Variants in OPRM1 observed in about 807,000 individuals in gnomAD.
OPRM1 encodes opioid receptor mu 1, also known as mu-type opioid receptor.
Under a neutral mutation model 31.8 loss-of-function variants are expected in OPRM1, and 27 were observed. The observed-to-expected ratio is 0.85, with a 90% confidence interval of 0.63 to 1.17. OPRM1 has a LOEUF of 1.17. OPRM1 is among the 50% of genes most tolerant of loss of function. The probability of loss-of-function intolerance (pLI) is 0.00; values close to 1 mark genes in which losing one functional copy is unlikely to be tolerated. For missense variants in OPRM1, 536 were observed against 511.1 expected (o/e 1.05, Z -0.47); for synonymous variants, 196 against 189.9 (o/e 1.03, Z -0.26).
At chr6:154,039,183 C>A (rs1339715573), upstream of OPRM1, 9 of 1,551,548 alleles carry the variant, frequency 5.8e-6, no homozygotes, top group Middle Eastern at 1.7e-4. Context: ...AGAAGAGTGC[C>A]CAGTGAAGAG....
In OPRM1 at chr6:154,129,677, TTTC is replaced by T. The variant is rs563420678; in HGVS notation, c.*10959_*10961del. Among the ~76,000 whole-genome samples, 271 of 152,270 alleles carry T rather than the reference TTTC, an allele frequency of 1.8e-3. 1 individual carries two copies. The highest frequency in any genetic ancestry group is 6.3e-3 in the African/African-American group (262 of 41,534). On this transcript the variant is annotated 3_prime_UTR_variant, in exon 4 of 4. Coordinates refer to ENST00000330432, the MANE Select transcript of OPRM1 (RefSeq NM_000914.5). ...GTTCTATATCTATTCTTGAAACATATTTCTTTAGTTCAAGGTCTGATGAGCTCC... is the reference window on the plus strand; with the variant it reads ...GTTCTATATCTATTCTTGAAACATATTTTAGTTCAAGGTCTGATGAGCTCC...
chr6:154,124,042 CA>C lies in OPRM1; in HGVS notation c.*5324del, dbSNP rs1210932207. On this transcript the variant is annotated 3_prime_UTR_variant, in exon 4 of 4. Coordinates refer to ENST00000330432, the MANE Select transcript of OPRM1 (RefSeq NM_000914.5). ...TATTCAAGATGGAGTCGCTCTGGTTCAAACACCTCTGACACTTGAATTACAA... is the reference window on the plus strand; with the variant it reads ...TATTCAAGATGGAGTCGCTCTGGTTCAACACCTCTGACACTTGAATTACAA... Among the ~76,000 whole-genome samples, 1 of 152,154 alleles carries C rather than the reference CA, an allele frequency of 6.6e-6. No individual in the cohort carries two copies. The highest frequency in any genetic ancestry group is 2.4e-5 in the African/African-American group (1 of 41,440).
Position 154,091,072 on chromosome 6 carries a change from G to A in OPRM1, c.764G>A (p.Gly255Glu), listed in dbSNP as rs201561271. ...MPVLIITVCYGLMILRLKSVR... is the reference protein window; with the variant it reads ...MPVLIITVCYELMILRLKSVR... The stretch of plus-strand genomic sequence containing the variant: ...GTGCTCATCATTACCGTGTGCTATG[G>A]ACTGATGATCTTGCGCCTCAAGAGT... Residue 255 changes from glycine (G) to glutamate (E), a missense_variant, in exon 3 of 4, where the codon GGA becomes GAA. Gly to Glu is a moderately conservative substitution (Grantham distance 98). Transcript: ENST00000330432. 44 of 1,614,150 alleles carry A rather than the reference G, an allele frequency of 2.7e-5. No homozygotes were observed. Among genetic ancestry groups the A allele is most frequent in the Non-Finnish European group, 3.6e-5 (43 of 1,180,022 alleles).
At chr6:154,094,030 C>T (rs1235018210) in intron 3 of OPRM1, among the ~76,000 whole-genome samples, 2 of 152,172 alleles carry the variant, frequency 1.3e-5, no homozygotes, top group Non-Finnish European at 2.9e-5. Context: ...CACATCATGA[C>T]CCATCATGTT....
Position 154,151,331 on chromosome 6 carries a change from G to A in OPRM1, c.1164+59859G>A, listed in dbSNP as rs148645116. 4.5e-4 allele frequency among the ~76,000 whole-genome samples: 69 copies of A among 152,352 alleles called. No individual in the cohort carries two copies. The East Asian group carries it at 0.013, about 29-fold the overall frequency. On this transcript the variant is annotated intron_variant, in intron 3 of 3. Coordinates refer to the OPRM1 transcript ENST00000337049. ...GAACCTAAGCAAGGCTGTGACCTTA[G>A]TTGTGGACCAGATTCAGCCTGGTCC...
chr6:154,149,376 TC>T (rs1270375481), intron 3 of OPRM1, among the ~76,000 whole-genome samples: 3 of 151,828 alleles, frequency 2.0e-5, no homozygotes, highest in Non-Finnish European at 4.4e-5. Flanking sequence ...TTCAATTACC[TC>T]CCCTCCATCC....
chr6:154,039,917 G>A, intron 1 of OPRM1, 83 bp downstream of exon 1: 1 of 1,296,242 alleles, frequency 7.7e-7, no homozygotes, highest in Non-Finnish European at 1.0e-6. Context: ...AAGGCTCAAT[G>A]TTGGGCGGGA....
intron 1 of OPRM1, among the ~76,000 whole-genome samples, chr6:154,044,642 A>C (rs905225428): frequency 1.1e-4 from 17 of 151,044 alleles, no homozygotes; most frequent in Admixed American, 1.1e-3. Flanking sequence ...CTACTGCTGC[A>C]AAAAAAATAA....
chr6:154,097,608 T>TGC (rs747641710), intron 3 of OPRM1, among the ~76,000 whole-genome samples: 61 of 151,886 alleles, frequency 4.0e-4, no homozygotes, highest in African/African-American at 1.4e-3. Context: ...TGTGTGTGTG[T>TGC]GCGTGTGATA....
At chr6:154,136,597 C>A (rs1487464443), downstream of OPRM1, among the ~76,000 whole-genome samples, 1 of 152,204 alleles carries the variant, frequency 6.6e-6, no homozygotes, top group Non-Finnish European at 1.5e-5. Context: ...CTCAGCCCCT[C>A]CGCTTGGTTC....
At chr6:154,087,805 G>A (rs1790980124) in intron 1 of OPRM1, 1 of 153,382 alleles carries the variant, frequency 6.5e-6, no homozygotes, top group Non-Finnish European at 1.4e-5. Flanking sequence ...CTAAATTAAG[G>A]TAAATATATG....
rs528823352 is a variant in OPRM1, at chr6:154,127,753, G to A, written c.*9032G>A. Among the ~76,000 whole-genome samples, 5 of 152,342 alleles carry A rather than the reference G, an allele frequency of 3.3e-5. No individual in the cohort carries two copies. Among genetic ancestry groups the A allele is most frequent in the African/African-American group, 7.2e-5 (3 of 41,578 alleles). On this transcript the variant is annotated 3_prime_UTR_variant, in exon 4 of 4. Coordinates refer to ENST00000330432, the MANE Select transcript of OPRM1 (RefSeq NM_000914.5). ...TTGATTCTTGTTCTCCTGCATCTCT[G>A]CAGGTGGCAAACCTGATTCCTAATG...
chr6:154,210,036 A>G (rs1777840497), intron 3 of OPRM1, among the ~76,000 whole-genome samples: 1 of 152,230 alleles, frequency 6.6e-6, no homozygotes, highest in African/African-American at 2.4e-5. Context: ...ATTTTAAATC[A>G]AGTATTCCCT....
rs888772396 is a variant in OPRM1 at position 154,130,716 on chromosome 6, A to C, written c.*11995A>C. 2.0e-5 allele frequency among the ~76,000 whole-genome samples: 3 copies of C among 151,946 alleles called. No homozygotes were observed. The highest frequency in any genetic ancestry group is 4.4e-5 in the Non-Finnish European group (3 of 67,968). ...AAAGTATATATGCCATTCCATAAAAATATATCTACCAATATAAATAGAATA... is the reference window on the plus strand; with the variant it reads ...AAAGTATATATGCCATTCCATAAAACTATATCTACCAATATAAATAGAATA... On this transcript the variant is annotated 3_prime_UTR_variant, in exon 4 of 4. Transcript: ENST00000330432.
chr6:154,097,576 A>T (rs1351604077), intron 3 of OPRM1, among the ~76,000 whole-genome samples: 1 of 134,920 alleles, frequency 7.4e-6, no homozygotes, highest in African/African-American at 2.9e-5. Context: ...GTTTAAAAAG[A>T]AAATGGTTCC....
At chr6:154,154,581 C>A (rs1798636697) in intron 3 of OPRM1, 1 of 152,164 alleles carries the variant, frequency 6.6e-6, no homozygotes, top group Admixed American at 6.5e-5. Context: ...GCACTGTAAC[C>A]TTGTTGTAGA....
intron 1 of OPRM1, among the ~76,000 whole-genome samples, chr6:154,052,992 A>G (rs1009562594): frequency 1.3e-5 from 2 of 152,200 alleles, no homozygotes; most frequent in Non-Finnish European, 2.9e-5. Flanking sequence ...AAGTTGTGCT[A>G]TAATAATCAC....
At chr6:154,107,820 G>C (rs774969699) in intron 3 of OPRM1, 10 of 717,714 alleles carry the variant, frequency 1.4e-5, no homozygotes, top group South Asian at 1.3e-4. Flanking sequence ...GGTGTTCCAA[G>C]CCCGTGTTTT....
intron 3 of OPRM1, among the ~76,000 whole-genome samples, chr6:154,185,916 G>A (rs868453525): frequency 6.6e-6 from 1 of 152,214 alleles, no homozygotes; most frequent in Non-Finnish European, 1.5e-5. Context: ...TAAAGCATTT[G>A]GCTGATACCT....
Sources: gnomAD v4.1 joint callset for allele counts (sites outside exome capture counted in the v4.1 genomes callset) on GRCh38, gnomAD v4.1.1 for gene constraint, MANE v1.5 for transcripts, NCBI Gene and HGNC (gene_info 2026-07-23, HGNC 2026-07-21) for gene names.